PRELID2: variants seen among roughly 807,000 people sequenced by gnomAD.
PRELID2 encodes PRELI domain-containing protein 2.
PRELID2 carries 25 observed loss-of-function variants against 28.4 expected under a neutral mutation model. That is an observed-to-expected ratio of 0.88 (90% CI 0.64 to 1.23). PRELID2 has a LOEUF of 1.23. PRELID2 is among the 50% of genes most tolerant of loss of function. The pLI is 0.00. For missense variants in PRELID2, 201 were observed against 214.4 expected, an observed-to-expected ratio of 0.94 and a Z score of 0.39; for synonymous variants, 76 against 71.6, an observed-to-expected ratio of 1.06 and a Z score of -0.31.
intron 1 of PRELID2, among the ~76,000 whole-genome samples, chr5:145,641,158 T>G (rs961042354): frequency 2.0e-5 from 3 of 152,160 alleles, no homozygotes; most frequent in African/African-American, 7.2e-5. Context: ...TAAATTTGAC[T>G]ATTTAAAACC....
chr5:145,705,281 C>G (rs555739956), intron 1 of PRELID2, among the ~76,000 whole-genome samples: 1 of 152,068 alleles, frequency 6.6e-6, no homozygotes, highest in South Asian at 2.1e-4. Flanking sequence ...ACCTCCACCA[C>G]CTGGGTTCAA....
chr5:145,553,996 G>T (rs117461984), intron 1 of PRELID2, among the ~76,000 whole-genome samples: 2 of 152,134 alleles, frequency 1.3e-5, no homozygotes, highest in Non-Finnish European at 2.9e-5. Flanking sequence ...AATAAATAAA[G>T]ATCAGAAAAG....
At chr5:145,337,428 A>G in the PRELID2 span, among the ~76,000 whole-genome samples, 1 of 151,522 alleles carries the variant, frequency 6.6e-6, no homozygotes, top group African/African-American at 2.4e-5. Context: ...ATCTACCTCA[A>G]GATAGTGTCA....
the PRELID2 span, among the ~76,000 whole-genome samples, chr5:145,361,928 C>T: frequency 1.3e-5 from 2 of 152,128 alleles, no homozygotes; most frequent in East Asian, 1.9e-4. Flanking sequence ...ACTTCTTTGG[C>T]CTTCAATGAT....
At chr5:145,817,421 TTATATATATATATA>T (rs6149278) in intron 4 of PRELID2, among the ~76,000 whole-genome samples, 2 of 103,604 alleles carry the variant, frequency 1.9e-5, no homozygotes, top group South Asian at 6.2e-4. Context: ...TAAGCTAGTT[TTATATATATATATA>T]TATATATATA....
At chr5:145,231,934 G>C in the PRELID2 span, among the ~76,000 whole-genome samples, 1 of 152,034 alleles carries the variant, frequency 6.6e-6, no homozygotes, top group Non-Finnish European at 1.5e-5. Flanking sequence ...GGCTTACTCT[G>C]CTTGGATGTT....
intron 1 of PRELID2, among the ~76,000 whole-genome samples, chr5:145,668,600 C>G (rs902634431): frequency 1.3e-5 from 2 of 151,964 alleles, no homozygotes; most frequent in African/African-American, 4.8e-5. Flanking sequence ...ATTTATTGAA[C>G]AACTCTTTGT....
At chr5:145,406,049 C>T in the PRELID2 span, among the ~76,000 whole-genome samples, 2 of 152,004 alleles carry the variant, frequency 1.3e-5, no homozygotes, top group African/African-American at 2.4e-5. Flanking sequence ...AGAACTCCCT[C>T]GGGATCACAA....
At chr5:145,459,051 G>T in the PRELID2 span, among the ~76,000 whole-genome samples, 1 of 152,100 alleles carries the variant, frequency 6.6e-6, no homozygotes, top group Non-Finnish European at 1.5e-5. Flanking sequence ...AGCCACCTAG[G>T]GTTCTAGGAA....
intron 1 of PRELID2, among the ~76,000 whole-genome samples, chr5:145,743,611 G>A (rs893522453): frequency 1.4e-5 from 2 of 145,776 alleles, no homozygotes; most frequent in Non-Finnish European, 3.0e-5. Context: ...CCACCCCCCA[G>A]CCAAGGGAGG....
the PRELID2 span, among the ~76,000 whole-genome samples, chr5:145,376,312 A>C: frequency 1.3e-5 from 2 of 152,040 alleles, no homozygotes; most frequent in South Asian, 4.2e-4. Context: ...TTCATTGAAG[A>C]TTTTTTCATC....
At chr5:145,289,359 G>A in the PRELID2 span, among the ~76,000 whole-genome samples, 1 of 152,068 alleles carries the variant, frequency 6.6e-6, no homozygotes, top group Non-Finnish European at 1.5e-5. Flanking sequence ...ACAGTAGGTA[G>A]CCTTCTAGAC....
At chr5:145,632,969 A>G in intron 1 of PRELID2, among the ~76,000 whole-genome samples, 1 of 152,214 alleles carries the variant, frequency 6.6e-6, no homozygotes, top group East Asian at 1.9e-4. Context: ...GGAGAGGGCC[A>G]TGTGGCACCG....
chr5:145,295,101 C>T, the PRELID2 span, among the ~76,000 whole-genome samples: 1 of 152,012 alleles, frequency 6.6e-6, no homozygotes, highest in Admixed American at 6.6e-5. Flanking sequence ...ATTATTTGCC[C>T]AATGTGTTAT....
chr5:145,715,089 CCA>C (rs1307135586), intron 1 of PRELID2, among the ~76,000 whole-genome samples: 1 of 152,152 alleles, frequency 6.6e-6, no homozygotes, highest in Non-Finnish European at 1.5e-5. Context: ...TCCTGGAAAT[CCA>C]CACTCATACA....
intron 1 of PRELID2, among the ~76,000 whole-genome samples, chr5:145,647,273 C>T (rs1419593645): frequency 6.6e-6 from 1 of 152,202 alleles, no homozygotes; most frequent in South Asian, 2.1e-4. Flanking sequence ...CTGCGGTGGG[C>T]TCTGCCCAGT....
the PRELID2 span, among the ~76,000 whole-genome samples, chr5:145,316,156 T>C: frequency 6.6e-6 from 1 of 152,216 alleles, no homozygotes; most frequent in Admixed American, 6.5e-5. Flanking sequence ...TAAGGGTCTG[T>C]ATATTGCTGT....
At chr5:145,475,811 A>T (rs890532970) in intron 1 of PRELID2, among the ~76,000 whole-genome samples, 1 of 152,222 alleles carries the variant, frequency 6.6e-6, no homozygotes, top group Non-Finnish European at 1.5e-5. Flanking sequence ...TATAGTATTT[A>T]CCTGTGACTA....
At chr5:145,578,381 A>G (rs1753079863) in intron 1 of PRELID2, among the ~76,000 whole-genome samples, 1 of 152,142 alleles carries the variant, frequency 6.6e-6, no homozygotes, top group South Asian at 2.1e-4. Context: ...GTGCAAAGAA[A>G]GTATGATTTG....
Sources: allele counts gnomAD v4.1 joint callset (sites outside exome capture counted in the v4.1 genomes callset), GRCh38; gene constraint gnomAD v4.1.1; transcripts MANE v1.5; gene names NCBI Gene and HGNC (gene_info 2026-07-23, HGNC 2026-07-21).